Variants in HERC3 observed in about 807,000 individuals in gnomAD.
The protein encoded by HERC3 is HECT and RLD domain containing E3 ubiquitin protein ligase 3, also known as probable E3 ubiquitin-protein ligase HERC3.
HERC3 carries 58 observed loss-of-function variants against 129.9 expected under a neutral mutation model. The observed-to-expected ratio is 0.45, with a 90% confidence interval of 0.36 to 0.56. The LOEUF (loss-of-function observed/expected upper bound fraction) is 0.56, where lower values mean the gene tolerates loss of function less well. Ranked by LOEUF, HERC3 falls within the 20% of genes least tolerant of loss-of-function variation. HERC3 has a pLI of 0.00. For synonymous variants in HERC3, 430 were observed against 451.0 expected, an observed-to-expected ratio of 0.95 and a Z score of 0.59; for missense variants, 835 against 1,244.2, an observed-to-expected ratio of 0.67 and a Z score of 4.95.
At chr4:88,552,138 G>T in the HERC3 span, among the ~76,000 whole-genome samples, 1 of 149,940 alleles carries the variant, frequency 6.7e-6, no homozygotes, top group Non-Finnish European at 1.5e-5. Context: ...CTGTTGTGGG[G>T]TGGGGGGAGG....
intron 14 of HERC3, chr4:88,668,397 T>C (rs1731262051): frequency 3.5e-6 from 1 of 288,530 alleles, no homozygotes; most frequent in Admixed American, 5.1e-5. Flanking sequence ...TTACTGTACG[T>C]TGGTCTTTCT....
chr4:88,686,759 A>AC lies in HERC3; in HGVS notation c.2535dup (p.Gly846ArgfsTer23), dbSNP rs774748563. 2.5e-6 allele frequency: 4 copies of AC among 1,610,366 alleles called. No individual in the cohort carries two copies. The highest frequency in any genetic ancestry group is 2.5e-6 in the Non-Finnish European group (3 of 1,176,926). ...AGGAGTCTCCAAGAGCTTTTAGATT[A>AC]CCCCGGGGAGGATGTGGAGGAGACT... On this transcript the variant is annotated frameshift_variant, in exon 22 of 26. Coordinates refer to ENST00000402738, the MANE Select transcript of HERC3 (RefSeq NM_014606.3). LOFTEE classifies it high-confidence loss of function.
intron 21 of HERC3, among the ~76,000 whole-genome samples, chr4:88,681,580 C>T (rs1233913858): frequency 2.0e-5 from 3 of 152,204 alleles, no homozygotes; most frequent in Non-Finnish European, 4.4e-5. Context: ...CACATGTGCT[C>T]AAGTCCTGCA....
intron 21 of HERC3, among the ~76,000 whole-genome samples, chr4:88,684,327 T>C (rs767935970): frequency 1.3e-5 from 2 of 152,154 alleles, no homozygotes; most frequent in African/African-American, 2.4e-5. Flanking sequence ...TCTACAATCA[T>C]CTGATTTTCG....
At chr4:88,543,367 A>C in the HERC3 span, among the ~76,000 whole-genome samples, 2 of 152,124 alleles carry the variant, frequency 1.3e-5, no homozygotes, top group Non-Finnish European at 2.9e-5. Context: ...CCTCGGAATC[A>C]AACTTACAAG....
At chr4:88,534,484 TG>T in the HERC3 span, among the ~76,000 whole-genome samples, 20,314 of 151,490 alleles carry the variant, frequency 0.13, 1,505 homozygotes, top group Admixed American at 0.23. Flanking sequence ...CTAACAGTTT[TG>T]TTTTTTTTTT....
At chr4:88,579,232 A>AATAT in the HERC3 span, among the ~76,000 whole-genome samples, 18 of 104,084 alleles carry the variant, frequency 1.7e-4, no homozygotes, top group Non-Finnish European at 2.4e-4. Context: ...AAAAAAAAAA[A>AATAT]ATATATATAT....
upstream of HERC3, among the ~76,000 whole-genome samples, chr4:88,591,477 A>T (rs1353593553): frequency 6.6e-6 from 1 of 152,156 alleles, no homozygotes. Flanking sequence ...CTTGGTAAGA[A>T]TCTATCCTCA....
intron 4 of HERC3, among the ~76,000 whole-genome samples, chr4:88,650,797 A>G (rs1578242625): frequency 6.6e-6 from 1 of 152,204 alleles, no homozygotes; most frequent in Non-Finnish European, 1.5e-5. Context: ...GATTTATTTT[A>G]GCATCACCAT....
the HERC3 span, among the ~76,000 whole-genome samples, chr4:88,557,219 T>G: frequency 6.6e-6 from 1 of 152,214 alleles, no homozygotes; most frequent in Non-Finnish European, 1.5e-5. Context: ...TCCCTATTGA[T>G]TTGTAGTTGG....
intron 23 of HERC3, among the ~76,000 whole-genome samples, chr4:88,702,880 T>A (rs1735444872): frequency 6.6e-6 from 1 of 152,192 alleles, no homozygotes; most frequent in Non-Finnish European, 1.5e-5. Context: ...TGAATATTCC[T>A]ATGGACAATG....
intron 23 of HERC3, among the ~76,000 whole-genome samples, chr4:88,689,625 T>C (rs111878842): frequency 2.6e-5 from 4 of 151,216 alleles, no homozygotes; most frequent in African/African-American, 9.7e-5. Context: ...TCTCCAAGGC[T>C]GGAGTGCAGT....
chr4:88,556,701 T>C, the HERC3 span, among the ~76,000 whole-genome samples: 3 of 152,102 alleles, frequency 2.0e-5, no homozygotes, highest in Non-Finnish European at 4.4e-5. Context: ...ACAGCCATCT[T>C]CCTCAGACAC....
chr4:88,545,624 C>G, the HERC3 span, among the ~76,000 whole-genome samples: 54 of 151,802 alleles, frequency 3.6e-4, no homozygotes, highest in Admixed American at 2.6e-4. Context: ...CAGGATCTCG[C>G]TATGTTGCTC....
chr4:88,528,783 A>T, the HERC3 span, among the ~76,000 whole-genome samples: 1 of 152,158 alleles, frequency 6.6e-6, no homozygotes, highest in African/African-American at 2.4e-5. Context: ...TCCTGACTTC[A>T]ACCAGTTACT....
At chr4:88,652,117 C>G in intron 5 of HERC3, 29 bp downstream of exon 5, 1 of 1,443,960 alleles carries the variant, frequency 6.9e-7, no homozygotes, top group Non-Finnish European at 9.7e-7. Flanking sequence ...TATGCTAATG[C>G]TATGTTAATT....
At chr4:88,593,285 A>C (rs1721951927) in intron 1 of HERC3, 1 of 152,540 alleles carries the variant, frequency 6.6e-6, no homozygotes, top group Non-Finnish European at 1.5e-5. Flanking sequence ...GTACGCCGAC[A>C]CGTCGGTGCG....
chr4:88,529,431 T>A, the HERC3 span, among the ~76,000 whole-genome samples: 2 of 152,118 alleles, frequency 1.3e-5, no homozygotes, highest in Non-Finnish European at 2.9e-5. Context: ...CACTCTAGCC[T>A]AGGAGACAGA....
intron 3 of HERC3, among the ~76,000 whole-genome samples, chr4:88,622,668 C>T (rs1050615039): frequency 7.9e-5 from 12 of 152,060 alleles, no homozygotes; most frequent in Admixed American, 3.3e-4. Context: ...TGGTGGCTCA[C>T]GCCTGTAATC....
Sources: allele counts gnomAD v4.1 joint callset (sites outside exome capture counted in the v4.1 genomes callset), GRCh38; gene constraint gnomAD v4.1.1; transcripts MANE v1.5; gene names NCBI Gene and HGNC (gene_info 2026-07-23, HGNC 2026-07-21).